SCMH1: variants seen among roughly 807,000 people sequenced by gnomAD.
SCMH1 encodes the protein Scm polycomb group protein homolog 1.
Under a neutral mutation model 70.8 loss-of-function variants are expected in SCMH1, and 37 were observed. That is an observed-to-expected ratio of 0.52 (90% confidence interval 0.40 to 0.69). The LOEUF is 0.69. SCMH1 is among the 30% of genes least tolerant of loss of function. SCMH1 has a pLI of 0.00. For missense variants in SCMH1, 607 were observed against 827.3 expected (o/e 0.73, Z 3.27); for synonymous variants, 292 against 307.4 (o/e 0.95, Z 0.52).
At chr1:41,164,562 C>T (rs184099729) in intron 2 of SCMH1, among the ~76,000 whole-genome samples, 8 of 152,226 alleles carry the variant, frequency 5.3e-5, no homozygotes, top group South Asian at 2.1e-4. Context: ...TAGTAACAGG[C>T]GCTCATTAAA....
chr1:41,098,893 C>G (rs1207593061), intron 8 of SCMH1: 1 of 198,890 alleles, frequency 5.0e-6, no homozygotes, highest in Non-Finnish European at 1.0e-5. Flanking sequence ...ATAAGCGTGA[C>G]CGCTATGCCA....
intron 6 of SCMH1, among the ~76,000 whole-genome samples, chr1:41,121,465 G>A (rs1671920991): frequency 6.6e-6 from 1 of 152,152 alleles, no homozygotes; most frequent in Non-Finnish European, 1.5e-5. Flanking sequence ...GAGAAAAGAA[G>A]GAAGATGAAA....
At position 41,137,094 on chromosome 1, in the gene SCMH1, T is replaced by C. The variant is rs142560312; in HGVS notation, c.412+5784A>G. Among the ~76,000 whole-genome samples the C allele has an allele frequency of 6.9e-3, 1,045 of 152,310 alleles. 34 individuals carry two copies. The highest frequency in any genetic ancestry group is 0.05 in the Admixed American group (765 of 15,294). The stretch of plus-strand genomic sequence containing the variant: ...CCATGCCCGGCCAGGACCAGTACTT[T>C]GAATTAACTTTGAATTATTGCTTTT... On this transcript the variant is annotated intron_variant, in intron 6 of 14. Transcript: ENST00000337495.
chr1:41,046,502 C>T lies in SCMH1; in HGVS notation c.1403G>A (p.Arg468His), dbSNP rs369790579. The change falls in exon 12 of 15, where the codon CGT (arginine) becomes CAT (histidine). Residue 468 changes from arginine to histidine, a missense_variant. Coordinates refer to ENST00000337495, the Ensembl canonical transcript of SCMH1. ...CTGGTTGCCAAACAGATTGTCACTA[C>T]GAAGGTTGTGGCAGAGTTTCTCCAG... 17 of 1,614,138 alleles carry T rather than the reference C, an allele frequency of 1.1e-5. No individual in the cohort carries two copies. In the East Asian group the frequency reaches 2.2e-4, roughly 21 times the overall value.
chr1:41,085,308 T>C (rs1661291169), intron 8 of SCMH1, among the ~76,000 whole-genome samples: 1 of 152,116 alleles, frequency 6.6e-6, no homozygotes, highest in Non-Finnish European at 1.5e-5. Context: ...ACTCTATTAA[T>C]GCTGGAAAGG....
At chr1:41,037,362 C>A (rs1416081937) in exon 13 of SCMH1, 2 of 1,613,716 alleles carry the variant, frequency 1.2e-6, no homozygotes, top group Non-Finnish European at 8.5e-7. Context: ...GTAAGCTTAC[C>A]CCTGGAGCAT....
intron 6 of SCMH1, 65 bp downstream of exon 6, chr1:41,142,813 A>T (rs1469385282): frequency 1.0e-5 from 14 of 1,351,544 alleles, no homozygotes; most frequent in South Asian, 2.4e-5. Context: ...CCATAATAGG[A>T]TGTTCAGTTT....
chr1:41,148,997 T>C (rs1423600333), intron 5 of SCMH1, among the ~76,000 whole-genome samples: 1 of 152,144 alleles, frequency 6.6e-6, no homozygotes, highest in East Asian at 1.9e-4. Context: ...TTCACCGTGT[T>C]AGCCAGGATG....
chr1:41,181,748 G>A (rs1648832805), intron 2 of SCMH1, among the ~76,000 whole-genome samples: 1 of 152,216 alleles, frequency 6.6e-6, no homozygotes, highest in African/African-American at 2.4e-5. Flanking sequence ...TACACTGTTG[G>A]TGGGACTGTA....
At chr1:41,175,045 G>A (rs2148537920) in intron 2 of SCMH1, among the ~76,000 whole-genome samples, 1 of 152,254 alleles carries the variant, frequency 6.6e-6, no homozygotes, top group Middle Eastern at 3.4e-3. Flanking sequence ...TACTTGTGAT[G>A]GTTAACTTTA....
intron 5 of SCMH1, among the ~76,000 whole-genome samples, chr1:41,148,751 T>C (rs1455977085): frequency 2.0e-5 from 3 of 152,096 alleles, no homozygotes; most frequent in Admixed American, 6.5e-5. Flanking sequence ...TTGGGATTCC[T>C]TGAATTTCTT....
At position 41,203,223 on chromosome 1, in the gene SCMH1, C is replaced by T. The variant is rs192872923; in HGVS notation, c.-117-16973G>A. Among the ~76,000 whole-genome samples, 190 of 151,998 alleles carry T rather than the reference C, an allele frequency of 1.3e-3. 1 individual carries two copies. The highest frequency in any genetic ancestry group is 3.9e-3 in the African/African-American group (163 of 41,462). ...AAATTTTCATCACAAATACTTGATC[C>T]GTATTTCAATTTTGTAAATTTACAC... On this transcript the variant is annotated intron_variant, in intron 1 of 14. Transcript: ENST00000337495.
intron 8 of SCMH1, among the ~76,000 whole-genome samples, chr1:41,082,360 G>A (rs369258723): frequency 4.6e-5 from 7 of 152,238 alleles, no homozygotes; most frequent in South Asian, 4.1e-4. Flanking sequence ...GACTAACAGC[G>A]GATCTCTCGG....
At chr1:41,239,810 ATTTTTT>A in intron 1 of SCMH1, among the ~76,000 whole-genome samples, 1 of 151,972 alleles carries the variant, frequency 6.6e-6, no homozygotes, top group South Asian at 2.1e-4. Flanking sequence ...TTTTATTTTT[ATTTTTT>A]GTAGAGACAG....
intron 10 of SCMH1, among the ~76,000 whole-genome samples, chr1:41,060,708 T>C (rs906208374): frequency 2.0e-5 from 3 of 152,134 alleles, no homozygotes; most frequent in African/African-American, 7.2e-5. Flanking sequence ...GCAGTGGTAC[T>C]ATCGTAACTC....
In SCMH1 at chr1:41,195,803, T is replaced by C. The variant is rs147669117; in HGVS notation, c.-117-9553A>G. Among the ~76,000 whole-genome samples the C allele has an allele frequency of 2.0e-4, 30 of 152,264 alleles. No homozygotes were observed. The East Asian group carries it at 5.0e-3, about 25-fold the overall frequency. ...TCTGTTTGCAGATGATATACTCTTA[T>C]ATGTAGGAAATTCTACAGATCCCAC... On this transcript the variant is annotated intron_variant, in intron 1 of 14. Coordinates refer to ENST00000337495, the Ensembl canonical transcript of SCMH1.
chr1:41,087,239 G>C (rs1661977836), intron 8 of SCMH1, among the ~76,000 whole-genome samples: 1 of 151,972 alleles, frequency 6.6e-6, no homozygotes, highest in Non-Finnish European at 1.5e-5. Flanking sequence ...ATGGATCAGA[G>C]ATGTAACAAT....
At chr1:41,161,165 T>C (rs928014877) in intron 3 of SCMH1, among the ~76,000 whole-genome samples, 199 bp downstream of exon 3, 8 of 152,358 alleles carry the variant, frequency 5.3e-5, no homozygotes, top group Middle Eastern at 3.4e-3. Flanking sequence ...TGGGATTACC[T>C]ATACTCAGAA....
chr1:41,075,511 G>T, intron 8 of SCMH1, 60 bp from the exon 9 acceptor site: 1 of 1,457,992 alleles, frequency 6.9e-7, no homozygotes. Flanking sequence ...ATCCCAGCCA[G>T]AAGAAAAAAA....
Sources: gnomAD v4.1 joint callset for allele counts (sites outside exome capture counted in the v4.1 genomes callset) on GRCh38, gnomAD v4.1.1 for gene constraint, MANE v1.5 for transcripts, NCBI Gene and HGNC (gene_info 2026-07-23, HGNC 2026-07-21) for gene names.